Variants in FBXO31 observed in about 807,000 individuals in gnomAD.
The protein encoded by FBXO31 is F-box only protein 31.
A neutral mutation model predicts 54.4 loss-of-function variants in FBXO31; 24 were observed. That is an observed-to-expected ratio of 0.44 (90% CI 0.32 to 0.62). FBXO31 has a LOEUF of 0.62. Ranked by LOEUF, FBXO31 falls within the 20% of genes least tolerant of loss-of-function variation. The pLI is 0.05. For synonymous variants in FBXO31, 388 were observed against 335.6 expected (o/e 1.16, Z -1.71); for missense variants, 665 against 787.1 (o/e 0.84, Z 1.86).
chr16:87,390,534 G>A (rs1443844978), upstream of FBXO31, among the ~76,000 whole-genome samples: 2 of 151,414 alleles, frequency 1.3e-5, no homozygotes, highest in African/African-American at 2.4e-5. Flanking sequence ...TCTGCCTTCC[G>A]GTTTCAAGCG....
chr16:87,349,709 GA>G (rs59578146), intron 2 of FBXO31, among the ~76,000 whole-genome samples: 37,755 of 135,122 alleles, frequency 0.28, 6,120 homozygotes, highest in African/African-American at 0.5. Context: ...GACTCCATCT[GA>G]AAAAAAAAAA....
chr16:87,336,108 C>A lies in FBXO31; in HGVS notation c.842+47G>T, dbSNP rs754943007. The A allele has an allele frequency of 6.5e-7, 1 of 1,539,042 alleles. No individual in the cohort carries two copies. The highest frequency in any genetic ancestry group is 2.3e-5 in the East Asian group (1 of 44,386). On this transcript the variant is annotated intron_variant, in intron 6 of 8. Transcript: ENST00000311635. This position sits in a 1 kb window ranked among gnomAD's most constrained non-coding sequence, Gnocchi z 6.5. ...ACCGGGACAGGGCTGGTCCCCAGCA[C>A]ACACCAGGAGAGGGCTACCCCAGCA...
intron 1 of FBXO31, among the ~76,000 whole-genome samples, chr16:87,379,136 T>A (rs1906960954): frequency 6.6e-6 from 1 of 152,154 alleles, no homozygotes; most frequent in African/African-American, 2.4e-5. Flanking sequence ...TTTGTTTTGT[T>A]TTTTTGAGAT....
At chr16:87,368,858 G>A (rs1344048375) in intron 1 of FBXO31, among the ~76,000 whole-genome samples, 4 of 152,120 alleles carry the variant, frequency 2.6e-5, no homozygotes, top group Non-Finnish European at 5.9e-5. Context: ...GGAGTGCAGT[G>A]GCACCATCTC....
chr16:87,379,552 A>G (rs992377943), intron 1 of FBXO31, among the ~76,000 whole-genome samples: 1 of 152,156 alleles, frequency 6.6e-6, no homozygotes, highest in African/African-American at 2.4e-5. Flanking sequence ...TGCACTGAAT[A>G]AAAGCAAGCA....
At chr16:87,340,204 C>G (rs1905149116) in intron 5 of FBXO31, among the ~76,000 whole-genome samples, 1 of 152,152 alleles carries the variant, frequency 6.6e-6, no homozygotes, top group African/African-American at 2.4e-5. Context: ...GGAGAATCAC[C>G]TGAACCCAGG....
upstream of FBXO31, among the ~76,000 whole-genome samples, chr16:87,384,681 A>G (rs1044108450): frequency 1.3e-4 from 20 of 152,340 alleles, no homozygotes; most frequent in East Asian, 1.9e-3. Flanking sequence ...GGGAGTATCA[A>G]TCGAGGCCAG....
chr16:87,351,356 CCTAT>C (rs1347169245), intron 2 of FBXO31, among the ~76,000 whole-genome samples: 2 of 152,044 alleles, frequency 1.3e-5, no homozygotes, highest in Admixed American at 1.3e-4. Flanking sequence ...CATCTAGATG[CCTAT>C]CTTTCTAAAT....
rs117028869 is a variant in FBXO31 at position 87,334,720 on chromosome 16, C to T, written c.997-434G>A. Among the ~76,000 whole-genome samples the T allele has an allele frequency of 4.5e-4, 68 of 152,344 alleles. 3 individuals are homozygous for T. In the East Asian group the frequency reaches 0.01, roughly 22 times the overall value. On this transcript the variant is annotated intron_variant, in intron 7 of 8. Coordinates refer to ENST00000311635, the MANE Select transcript of FBXO31 (RefSeq NM_024735.5). ...GATGTGGCCCTGATCCCTGGAGGCT[C>T]GGGGAATAGGCTTCGCCCCTTCAGG...
chr16:87,369,726 T>G (rs1290643474), intron 1 of FBXO31, among the ~76,000 whole-genome samples: 1 of 152,222 alleles, frequency 6.6e-6, no homozygotes, highest in Non-Finnish European at 1.5e-5. Flanking sequence ...TTTCTAAGTT[T>G]AAATTTTTTA....
chr16:87,343,769 C>T lies in FBXO31; in HGVS notation c.490-4G>A, dbSNP rs1567616679. ...CGATGATGAACAGGCCGTCCACCTA[C>T]AGGAGGAGATGGGCAAAGGTCCATG... is the stretch of plus-strand genomic sequence containing the variant. On this transcript the variant is annotated splice_region_variant and splice_polypyrimidine_tract_variant and intron_variant, in intron 3 of 8. Coordinates refer to ENST00000311635, the MANE Select transcript of FBXO31 (RefSeq NM_024735.5). The T allele has an allele frequency of 3.1e-6, 5 of 1,614,090 alleles. No homozygotes were observed. The highest frequency in any genetic ancestry group is 4.2e-6 in the Non-Finnish European group (5 of 1,179,964).
At chr16:87,360,831 G>A (rs1191177067) in intron 1 of FBXO31, among the ~76,000 whole-genome samples, 2 of 152,140 alleles carry the variant, frequency 1.3e-5, no homozygotes, top group African/African-American at 4.8e-5. Context: ...GGCCAAGAGG[G>A]GACCGTGCAA....
At chr16:87,380,450 G>A (rs1048105347) in intron 1 of FBXO31, among the ~76,000 whole-genome samples, 2 of 152,054 alleles carry the variant, frequency 1.3e-5, no homozygotes, top group African/African-American at 4.8e-5. Context: ...CACCCGGACT[G>A]GAGTGCAGTA....
intron 1 of FBXO31, among the ~76,000 whole-genome samples, chr16:87,361,593 G>C (rs556864445): frequency 1.3e-5 from 2 of 152,196 alleles, no homozygotes; most frequent in African/African-American, 4.8e-5. Context: ...CAGGAACGTC[G>C]ATACGATGCG....
chr16:87,381,271 A>C (rs1907064910), intron 1 of FBXO31, among the ~76,000 whole-genome samples: 2 of 152,346 alleles, frequency 1.3e-5, no homozygotes, highest in East Asian at 3.9e-4. Flanking sequence ...AAAAGACAAA[A>C]ATAGACATCT....
chr16:87,381,382 G>C (rs1281550541), intron 1 of FBXO31, among the ~76,000 whole-genome samples: 2 of 152,164 alleles, frequency 1.3e-5, no homozygotes, highest in Non-Finnish European at 1.5e-5. Context: ...ACCATTTAGG[G>C]GAGAGGGCTT....
chr16:87,334,149 G>T lies in FBXO31; in HGVS notation c.1134C>A (p.Arg378=), dbSNP rs772080871. The T allele has an allele frequency of 1.2e-6, 2 of 1,612,306 alleles. No homozygotes were observed. Among genetic ancestry groups the T allele is most frequent in the South Asian group, 2.2e-5 (2 of 91,048 alleles). ...CGTGCCCGCCTTCCTGCTGCTCCTGGCGCACCCTCTCGCGCACCTCCAGGA... is the reference window on the plus strand; with the variant it reads ...CGTGCCCGCCTTCCTGCTGCTCCTGTCGCACCCTCTCGCGCACCTCCAGGA... ...RIVLEVRERV[R]QEQQEGGHEA... Residue 378 remains arginine (R), a synonymous_variant, in exon 8 of 9, where the codon CGC becomes CGA. Coordinates refer to ENST00000311635, the MANE Select transcript of FBXO31 (RefSeq NM_024735.5).
In FBXO31 at chr16:87,336,577, G is replaced by GGCCT. The variant is rs1282856332; in HGVS notation, c.733-317_733-314dup. Among the ~76,000 whole-genome samples, 2 of 152,062 alleles carry GGCCT rather than the reference G, an allele frequency of 1.3e-5. No individual in the cohort carries two copies. Among genetic ancestry groups the GGCCT allele is most frequent in the Non-Finnish European group, 2.9e-5 (2 of 68,006 alleles). On this transcript the variant is annotated intron_variant, in intron 5 of 8. Coordinates refer to ENST00000311635, the MANE Select transcript of FBXO31 (RefSeq NM_024735.5). The surrounding 1 kb of genome is among the most constrained non-coding windows in gnomAD (Gnocchi z 6.5). The stretch of plus-strand genomic sequence containing the variant: ...ACAGCCATGACCAGAACTCAGGGTG[G>GGCCT]GCCTCCCTTCCATGCCCACCGGTGG...
chr16:87,360,446 C>CA, intron 1 of FBXO31, 80 bp from the exon 2 acceptor site: 2 of 1,249,366 alleles, frequency 1.6e-6, no homozygotes, highest in Non-Finnish European at 2.3e-6. Flanking sequence ...TGATGGCTGG[C>CA]AGGGGAGGTG....
Sources: allele counts gnomAD v4.1 joint callset (sites outside exome capture counted in the v4.1 genomes callset), GRCh38; gene constraint gnomAD v4.1.1; non-coding constraint Gnocchi (gnomAD v3.1); transcripts MANE v1.5; gene names NCBI Gene and HGNC (gene_info 2026-07-23, HGNC 2026-07-21).